Variants in ZC3HC1 observed in about 807,000 individuals in gnomAD.
The protein encoded by ZC3HC1 is zinc finger C3HC-type protein 1.
Under a neutral mutation model 61.9 loss-of-function variants are expected in ZC3HC1, and 38 were observed. The ratio of observed to expected loss-of-function variants is 0.61; its 90% CI spans 0.47 to 0.81. The LOEUF (loss-of-function observed/expected upper bound fraction) is 0.81. ZC3HC1 is among the 30% of genes least tolerant of loss of function. The pLI is 0.00. For missense variants in ZC3HC1, 554 were observed against 622.7 expected, an observed-to-expected ratio of 0.89 and a Z score of 1.17; for synonymous variants, 213 against 229.9, an observed-to-expected ratio of 0.93 and a Z score of 0.67.
chr7:130,020,814 G>T (rs1439731818), intron 9 of ZC3HC1, among the ~76,000 whole-genome samples: 1 of 152,150 alleles, frequency 6.6e-6, no homozygotes, highest in Non-Finnish European at 1.5e-5. Flanking sequence ...AGTTCCTGAA[G>T]ATCTAGGCAG....
upstream of ZC3HC1, chr7:130,051,410 C>T (rs200083472): frequency 6.2e-7 from 1 of 1,609,928 alleles, no homozygotes; most frequent in Admixed American, 1.7e-5. Flanking sequence ...TTGAAGGCTC[C>T]GGAACTTCCG....
Position 130,040,951 on chromosome 7 carries a change from A to G in ZC3HC1, c.409T>C (p.Tyr137His). 1 of 1,610,826 alleles carries G rather than the reference A, an allele frequency of 6.2e-7. No homozygotes were observed. The highest frequency in any genetic ancestry group is 8.5e-7 in the Non-Finnish European group (1 of 1,179,022). The change falls in exon 3 of 10, where the codon TAT (tyrosine) becomes CAT (histidine). Residue 137 changes from tyrosine to histidine, a missense_variant and splice_region_variant. Tyr to His is a moderately conservative substitution (Grantham distance 83). Transcript: ENST00000358303. Reference protein sequence around the residue: ...SLQPAFDFDRYKQRCAELKKA... With the variant: ...SLQPAFDFDRHKQRCAELKKA... ...AATGTAATTTGTACCTTATACTTAC[A>G]TCTGTCAAAGTCAAAAGCTGGTTGT...
At chr7:130,046,295 G>A (rs553438207) in intron 2 of ZC3HC1, among the ~76,000 whole-genome samples, 20 of 152,124 alleles carry the variant, frequency 1.3e-4, no homozygotes, top group Admixed American at 3.9e-4. Context: ...CATGTACCCC[G>A]GAACTGAAGA....
chr7:130,044,954 G>GA (rs1794808122), intron 2 of ZC3HC1, among the ~76,000 whole-genome samples: 1 of 152,180 alleles, frequency 6.6e-6, no homozygotes, highest in East Asian at 1.9e-4. Context: ...TGAAATTCAA[G>GA]AAAAAACTGA....
At position 130,031,311 on chromosome 7, in the gene ZC3HC1, C is replaced by A. The variant is rs1306964841; in HGVS notation, c.494-2282G>T. ...TTGCACTCCAGCCTGGGCAACAGAG[C>A]AAAACTCCATCTCAAAAAAAAAAAA... On this transcript the variant is annotated intron_variant, in intron 4 of 9. Transcript: ENST00000358303. 2.3e-3 allele frequency among the ~76,000 whole-genome samples: 215 copies of A among 92,182 alleles called. 1 individual carries two copies. Among genetic ancestry groups the A allele is most frequent in the African/African-American group, 7.5e-3 (196 of 26,082 alleles). 60.5% of individuals were successfully genotyped at this position (92,182 alleles called of 152,430 possible). A position where few individuals can be genotyped will look rare whatever the true frequency, so the allele number is the denominator to read the frequency against.
chr7:130,025,328 T>A (rs1418483162), intron 6 of ZC3HC1, among the ~76,000 whole-genome samples: 1 of 151,028 alleles, frequency 6.6e-6, no homozygotes, highest in Non-Finnish European at 1.5e-5. Context: ...TGATGTATTT[T>A]AAATATGCTC....
chr7:130,032,668 T>TGGAAGGAAGGAAGGAAGGAAGGAAGGAA (rs374532483), intron 4 of ZC3HC1, among the ~76,000 whole-genome samples: 2 of 58,062 alleles, frequency 3.4e-5, no homozygotes, highest in African/African-American at 1.4e-4. Flanking sequence ...ATAGAAGAAA[T>TGGAAGGAAGGAAGGAAGGAAGGAAGGAA]GGAAGGAAGG....
At chr7:130,026,068 T>C in intron 6 of ZC3HC1, 90 bp downstream of exon 6, 2 of 1,416,500 alleles carry the variant, frequency 1.4e-6, no homozygotes, top group South Asian at 1.5e-5. Flanking sequence ...GGAAACACCA[T>C]GTGATTTCTA....
At chr7:130,039,396 A>T in intron 4 of ZC3HC1, 68 bp downstream of exon 4, 3 of 1,316,284 alleles carry the variant, frequency 2.3e-6, no homozygotes, top group Non-Finnish European at 3.2e-6. Context: ...AGGTTTTCAC[A>T]AACAGACAAT....
intron 9 of ZC3HC1, among the ~76,000 whole-genome samples, chr7:130,022,070 G>C (rs551516158): frequency 6.6e-6 from 1 of 152,264 alleles, no homozygotes; most frequent in Non-Finnish European, 1.5e-5. Context: ...TACTTGGGAA[G>C]CTAAGGCAGG....
chr7:130,042,653 C>G (rs1397362358), intron 2 of ZC3HC1, among the ~76,000 whole-genome samples: 3 of 152,098 alleles, frequency 2.0e-5, no homozygotes, highest in Non-Finnish European at 4.4e-5. Flanking sequence ...ATTTATTACT[C>G]CTTAATATTA....
chr7:130,021,167 A>G (rs1194130266), intron 9 of ZC3HC1, among the ~76,000 whole-genome samples: 1 of 152,026 alleles, frequency 6.6e-6, no homozygotes, highest in Non-Finnish European at 1.5e-5. Flanking sequence ...TGGCCTCCCA[A>G]AGTGCTAGGA....
At chr7:130,040,861 A>C in intron 3 of ZC3HC1, 90 bp downstream of exon 3, 1 of 1,375,234 alleles carries the variant, frequency 7.3e-7, no homozygotes, top group Non-Finnish European at 9.8e-7. Flanking sequence ...TTTTTTGATC[A>C]AACTAAAATG....
rs764536164 is a variant in ZC3HC1 at position 130,049,183 on chromosome 7, A to C, written c.147-39T>G. The C allele has an allele frequency of 1.1e-5, 16 of 1,475,296 alleles. No individual in the cohort carries two copies. In the South Asian group the frequency reaches 2.1e-4, roughly 19 times the overall value. 91.4% of individuals were successfully genotyped at this position (1,475,296 alleles called of 1,614,324 possible). On this transcript the variant is annotated intron_variant, in intron 1 of 9. Coordinates refer to ENST00000358303, the MANE Select transcript of ZC3HC1 (RefSeq NM_016478.5). ...GCAAAACTGTTGGTAAACCTTTCAC[A>C]GTACCCTCTGCTTAAATGTTATCTA...
At chr7:130,044,879 A>G (rs1794805799) in intron 2 of ZC3HC1, among the ~76,000 whole-genome samples, 1 of 152,202 alleles carries the variant, frequency 6.6e-6, no homozygotes, top group Non-Finnish European at 1.5e-5. Flanking sequence ...GAAACATCAA[A>G]CAAATGTCAT....
chr7:130,033,444 T>C (rs1794301604), intron 4 of ZC3HC1, among the ~76,000 whole-genome samples: 1 of 117,714 alleles, frequency 8.5e-6, no homozygotes, highest in South Asian at 3.0e-4. Context: ...TCTATAGCAT[T>C]CTTTTTTTTT....
rs980412258 is a variant in ZC3HC1 at position 130,023,671 on chromosome 7, G to C, written c.1073C>G (p.Ser358Cys). The change falls in exon 8 of 10, where the codon TCC becomes TGC. Residue 358 changes from serine (S) to cysteine (C), a missense_variant. Ser to Cys is a moderately radical substitution (Grantham distance 112, BLOSUM62 -1). Coordinates refer to ENST00000358303, the MANE Select transcript of ZC3HC1 (RefSeq NM_016478.5). The surrounding 1 kb of genome is among the most constrained non-coding windows in gnomAD (Gnocchi z 4.2). Reference protein sequence around the residue: ...IVSRTRSWDSSSPVDRPEPEA... With the variant: ...IVSRTRSWDSCSPVDRPEPEA... Reference sequence around the variant, plus strand: ...TGGCTCAGGACGGTCAACAGGACTGGAAGAGTCCCAGCTCCGAGTTCGAGA... The same window carrying C: ...TGGCTCAGGACGGTCAACAGGACTGCAAGAGTCCCAGCTCCGAGTTCGAGA... 1 of 1,614,232 alleles carries C rather than the reference G, an allele frequency of 6.2e-7. No individual in the cohort carries two copies. Among genetic ancestry groups the C allele is most frequent in the Non-Finnish European group, 8.5e-7 (1 of 1,180,032 alleles).
chr7:130,026,992 T>TAAA (rs1563076366), intron 5 of ZC3HC1: 1 of 146,102 alleles, frequency 6.8e-6, no homozygotes, highest in Admixed American at 6.9e-5. Context: ...AAAAAAAAAT[T>TAAA]AAAGAAAAAA....
In ZC3HC1 at chr7:130,023,563, G is replaced by C; in HGVS notation, c.1181C>G (p.Ser394Cys). ...TCGCTTGGCTTTCCGCAGAGGGCTA[G>C]ATGGTACCTCCAGGCCAGGGGTGTC... ...TGDTPGLEVP[S>C]SPLRKAKRAR... Residue 394 changes from serine (S) to cysteine (C), a missense_variant, in exon 8 of 10, where the codon TCT (serine) becomes TGT (cysteine). By Grantham distance (112) the Ser-to-Cys change is moderately radical (BLOSUM62 -1). Transcript: ENST00000358303. This position sits in a 1 kb window ranked among gnomAD's most constrained non-coding sequence, Gnocchi z 4.2. 6.2e-7 allele frequency: 1 copy of C among 1,614,208 alleles called. No homozygotes were observed. Among genetic ancestry groups the C allele is most frequent in the Non-Finnish European group, 8.5e-7 (1 of 1,180,042 alleles).
Sources: gnomAD v4.1 joint callset for allele counts (sites outside exome capture counted in the v4.1 genomes callset) on GRCh38, gnomAD v4.1.1 for gene constraint, Gnocchi (gnomAD v3.1) non-coding constraint, MANE v1.5 for transcripts, NCBI Gene and HGNC (gene_info 2026-07-23, HGNC 2026-07-21) for gene names.